The following NRF1 variants were observed in gnomAD, a reference collection of about 807,000 sequenced individuals.
NRF1 encodes the protein nuclear respiratory factor 1.
In NRF1, 5 loss-of-function variants were observed where a neutral mutation model predicts 58.5. The observed-to-expected ratio is 0.09, with a 90% CI of 0.04 to 0.18. NRF1 has a LOEUF of 0.18. Among genes scored for constraint, NRF1 ranks in the 10% least tolerant of loss-of-function variants. The pLI is 1.00. For synonymous variants in NRF1, 224 were observed against 246.7 expected (o/e 0.91, Z 0.86); for missense variants, 288 against 657.7 (o/e 0.44, Z 6.15).
chr7:129,751,801 A>G (rs762031820), intron 10 of NRF1, among the ~76,000 whole-genome samples: 1 of 152,270 alleles, frequency 6.6e-6, no homozygotes, highest in Non-Finnish European at 1.5e-5. Context: ...AGGAACACAC[A>G]GGTGTCTTGG....
chr7:129,615,316 T>C (rs1180613494), intron 1 of NRF1, among the ~76,000 whole-genome samples: 3 of 152,238 alleles, frequency 2.0e-5, no homozygotes, highest in Non-Finnish European at 4.4e-5. Context: ...CCCTGGGCTG[T>C]TGAATTTCAC....
intron 2 of NRF1, among the ~76,000 whole-genome samples, chr7:129,665,709 A>C (rs1225677137): frequency 1.3e-5 from 2 of 152,194 alleles, no homozygotes; most frequent in East Asian, 1.9e-4. Context: ...CTGCAGCCTC[A>C]ACCTCCTTGG....
intron 1 of NRF1, among the ~76,000 whole-genome samples, chr7:129,654,748 T>C (rs1342438260): frequency 6.6e-6 from 1 of 152,244 alleles, no homozygotes; most frequent in Non-Finnish European, 1.5e-5. Flanking sequence ...TTTGCTCCTT[T>C]CTCAGAGATC....
At chr7:129,685,872 G>T (rs1416096887) in intron 4 of NRF1, among the ~76,000 whole-genome samples, 1 of 151,978 alleles carries the variant, frequency 6.6e-6, no homozygotes. Context: ...ACTTTGGGAG[G>T]TCTAGGTGGG....
At chr7:129,742,290 A>C (rs969916137) in intron 10 of NRF1, among the ~76,000 whole-genome samples, 8 of 151,436 alleles carry the variant, frequency 5.3e-5, no homozygotes, top group African/African-American at 7.3e-5. Flanking sequence ...AAAAAAAAAA[A>C]AACAAAAAAC....
chr7:129,629,873 T>A (rs191434718), intron 1 of NRF1, among the ~76,000 whole-genome samples: 10 of 152,332 alleles, frequency 6.6e-5, no homozygotes, highest in Admixed American at 2.6e-4. Context: ...GTCAGTAGTT[T>A]TACCCCACCA....
At chr7:129,700,684 G>A (rs959679092) in intron 5 of NRF1, among the ~76,000 whole-genome samples, 22 of 152,178 alleles carry the variant, frequency 1.4e-4, no homozygotes, top group African/African-American at 4.8e-4. Context: ...TTGGGAGGTC[G>A]AGGTAGGCGG....
intron 9 of NRF1, among the ~76,000 whole-genome samples, chr7:129,725,072 A>G (rs1803419133): frequency 6.6e-6 from 1 of 152,184 alleles, no homozygotes; most frequent in Admixed American, 6.5e-5. Context: ...AAATGAAAAA[A>G]TCATCGAGGC....
chr7:129,693,184 G>A (rs984304833), intron 5 of NRF1, among the ~76,000 whole-genome samples: 12 of 152,160 alleles, frequency 7.9e-5, no homozygotes, highest in South Asian at 4.1e-4. Flanking sequence ...TGAGTTAAGC[G>A]CAGTGGTGGG....
intron 2 of NRF1, among the ~76,000 whole-genome samples, chr7:129,660,436 A>G (rs1801754036): frequency 6.6e-6 from 1 of 150,950 alleles, no homozygotes; most frequent in South Asian, 2.1e-4. Flanking sequence ...CCCTCTGCCT[A>G]TGAGCCTGTA....
chr7:129,658,319 C>T (rs958181260), intron 2 of NRF1, among the ~76,000 whole-genome samples: 10 of 152,156 alleles, frequency 6.6e-5, no homozygotes, highest in Admixed American at 3.9e-4. Context: ...TGACTAGGCT[C>T]AGTGGCTCAC....
At chr7:129,690,572 A>T in intron 5 of NRF1, 26 bp downstream of exon 5, 1 of 1,613,280 alleles carries the variant, frequency 6.2e-7, no homozygotes, top group Non-Finnish European at 8.5e-7. Context: ...TGAGGAGGAG[A>T]CTCAAAGACA....
intron 10 of NRF1, chr7:129,735,026 CTTAT>C (rs1490398762): frequency 4.1e-6 from 4 of 983,930 alleles, no homozygotes; most frequent in Non-Finnish European, 4.8e-6. Context: ...AGTTTATTGG[CTTAT>C]TTGTTTCCCC....
chr7:129,667,744 TTTATTTATTTA>T (rs952835416), intron 2 of NRF1, among the ~76,000 whole-genome samples: 1 of 632 alleles, frequency 1.6e-3, no homozygotes, highest in Admixed American at 0.038. Context: ...TTTAAAGGTA[TTTATTTATTTA>T]TTTATTTATT....
chr7:129,720,563 A>G (rs781083738), intron 9 of NRF1, among the ~76,000 whole-genome samples: 5 of 152,168 alleles, frequency 3.3e-5, no homozygotes, highest in Admixed American at 6.5e-5. Flanking sequence ...ATGGTTCTCT[A>G]ATAACCACCT....
At position 129,690,410 on chromosome 7, in the gene NRF1, G is replaced by T; in HGVS notation, c.470G>T (p.Arg157Leu). The T allele has an allele frequency of 6.2e-7, 1 of 1,612,298 alleles. No individual in the cohort carries two copies. The highest frequency in any genetic ancestry group is 8.5e-7 in the Non-Finnish European group (1 of 1,179,112). ...TCTGCCCTTAATTCCCTGCAGGTGC[G>T]TAAGTACAAGAGCATGATCCTGGAA... ...FGAAPLENVV[R>L]KYKSMILEDL... Residue 157 changes from arginine to leucine, a missense_variant, in exon 5 of 11, where the codon CGT becomes CTT. By Grantham distance (102) the Arg-to-Leu change is moderately radical. Around this residue, in one of 3 missense-constraint regions of NRF1, gnomAD observed 212 missense variants for 559.7 expected, o/e 0.38. Coordinates refer to ENST00000393232, the MANE Select transcript of NRF1 (RefSeq NM_005011.5).
At chr7:129,753,897 A>AG (rs1804182914) in intron 10 of NRF1, among the ~76,000 whole-genome samples, 2 of 152,200 alleles carry the variant, frequency 1.3e-5, no homozygotes, top group South Asian at 4.1e-4. Context: ...AGGATAGGAG[A>AG]GGGACAAGAT....
chr7:129,717,815 A>C (rs1803228263), intron 9 of NRF1, among the ~76,000 whole-genome samples: 1 of 152,204 alleles, frequency 6.6e-6, no homozygotes, highest in South Asian at 2.1e-4. Flanking sequence ...CAGAAGCAGT[A>C]AGGCTTGAGT....
At position 129,755,287 on chromosome 7, in the gene NRF1, G is replaced by C. The variant is rs1804225832; in HGVS notation, c.*106G>C. 8 of 1,024,310 alleles carry C rather than the reference G, an allele frequency of 7.8e-6. No homozygotes were observed. Among genetic ancestry groups the C allele is most frequent in the Non-Finnish European group, 1.0e-5 (8 of 770,940 alleles). The allele number at this position is 1,024,310 out of a possible 1,614,324, so 63.5% of individuals were successfully genotyped here. A position where few individuals can be genotyped will look rare whatever the true frequency, so the allele number is the denominator to read the frequency against. Reference sequence around the variant, plus strand: ...TAAGTCTCTCGACTTTGGAAGGAAAGTTTTGTTAACCTTTTTTTTTTTAAA... The same window carrying C: ...TAAGTCTCTCGACTTTGGAAGGAAACTTTTGTTAACCTTTTTTTTTTTAAA... On this transcript the variant is annotated 3_prime_UTR_variant, in exon 11 of 11. Transcript: ENST00000393232. The surrounding 1 kb of genome is among the most constrained non-coding windows in gnomAD (Gnocchi z 5.8).
Sources: allele counts gnomAD v4.1 joint callset (sites outside exome capture counted in the v4.1 genomes callset), GRCh38; gene constraint gnomAD v4.1.1; regional missense constraint gnomAD v4.1.1; non-coding constraint Gnocchi (gnomAD v3.1); transcripts MANE v1.5; gene names NCBI Gene and HGNC (gene_info 2026-07-23, HGNC 2026-07-21).